Variants in MRTFB observed in about 807,000 individuals in gnomAD.
MRTFB encodes myocardin related transcription factor B, also known as myocardin-related transcription factor B.
In MRTFB, 29 loss-of-function variants were observed where a neutral mutation model predicts 104.2. The ratio of observed to expected loss-of-function variants is 0.28; its 90% CI spans 0.21 to 0.38. The LOEUF (loss-of-function observed/expected upper bound fraction) is 0.38, where lower values mean the gene tolerates loss of function less well. Among genes scored for constraint, MRTFB ranks in the 10% least tolerant of loss-of-function variants. The pLI is 1.00. For synonymous variants in MRTFB, 535 were observed against 519.5 expected (o/e 1.03, Z -0.41); for missense variants, 1,270 against 1,341.6 (o/e 0.95, Z 0.83).
At chr16:14,208,427 A>T (rs1250818500) in intron 3 of MRTFB, among the ~76,000 whole-genome samples, 1 of 152,198 alleles carries the variant, frequency 6.6e-6, no homozygotes, top group Non-Finnish European at 1.5e-5. Context: ...TAAACCAAAA[A>T]GGGGGTGGTT....
intron 3 of MRTFB, among the ~76,000 whole-genome samples, chr16:14,194,572 T>C (rs1358503421): frequency 1.3e-5 from 2 of 152,224 alleles, no homozygotes; most frequent in East Asian, 3.8e-4. Flanking sequence ...GAACTTTTTC[T>C]AGTGGTATTT....
At chr16:14,241,707 C>T (rs564332831) in intron 10 of MRTFB, among the ~76,000 whole-genome samples, 8 of 152,246 alleles carry the variant, frequency 5.3e-5, no homozygotes, top group African/African-American at 1.7e-4. Context: ...AAGATTAAAC[C>T]TATTAGTAAT....
At chr16:14,166,217 CTTTT>C (rs35113283) in intron 3 of MRTFB, among the ~76,000 whole-genome samples, 4 of 112,534 alleles carry the variant, frequency 3.6e-5, no homozygotes, top group Admixed American at 8.9e-5. Context: ...GTTTTCTTTT[CTTTT>C]TTTTTTTTTT....
At chr16:14,060,067 C>T in the MRTFB span, among the ~76,000 whole-genome samples, 7 of 131,764 alleles carry the variant, frequency 5.3e-5, no homozygotes, top group South Asian at 2.4e-4. Flanking sequence ...AGTGCAGTGG[C>T]GCAATCTCAG....
chr16:14,194,580 T>C (rs1360665033), intron 3 of MRTFB, among the ~76,000 whole-genome samples: 1 of 152,218 alleles, frequency 6.6e-6, no homozygotes, highest in Non-Finnish European at 1.5e-5. Context: ...TCTAGTGGTA[T>C]TTTAAGGTAC....
chr16:14,095,697 T>C (rs2035322216), intron 2 of MRTFB, among the ~76,000 whole-genome samples: 1 of 152,218 alleles, frequency 6.6e-6, no homozygotes, highest in South Asian at 2.1e-4. Context: ...CTGTTGAATG[T>C]CTCTGCTTTT....
chr16:14,089,690 T>C (rs1301969961), intron 2 of MRTFB, among the ~76,000 whole-genome samples: 1 of 152,218 alleles, frequency 6.6e-6, no homozygotes, highest in East Asian at 1.9e-4. Context: ...ATTTAACTTT[T>C]TGAGGAAATG....
chr16:13,999,215 C>T, the MRTFB span, among the ~76,000 whole-genome samples: 1 of 150,398 alleles, frequency 6.6e-6, no homozygotes, highest in Non-Finnish European at 1.5e-5. Context: ...AAAGAACAGT[C>T]ACTTCTAACC....
chr16:14,198,090 T>G (rs1310804167), intron 3 of MRTFB, among the ~76,000 whole-genome samples: 2 of 152,242 alleles, frequency 1.3e-5, no homozygotes, highest in Non-Finnish European at 2.9e-5. Context: ...ATACAATATG[T>G]GAGCTTTTAT....
At chr16:14,064,048 T>C in the MRTFB span, among the ~76,000 whole-genome samples, 1 of 152,198 alleles carries the variant, frequency 6.6e-6, no homozygotes. Flanking sequence ...TGAGAAATTG[T>C]CAAACTGTTT....
intron 3 of MRTFB, among the ~76,000 whole-genome samples, chr16:14,171,653 C>CT (rs1414254023): frequency 6.6e-6 from 1 of 152,186 alleles, no homozygotes; most frequent in Non-Finnish European, 1.5e-5. Flanking sequence ...ACTCCACTCT[C>CT]TGACAGTGAG....
At chr16:14,229,765 C>T (rs985836994) in intron 8 of MRTFB, among the ~76,000 whole-genome samples, 1 of 151,782 alleles carries the variant, frequency 6.6e-6, no homozygotes, top group Non-Finnish European at 1.5e-5. Context: ...TTTTTGAATG[C>T]ATAAATATCC....
chr16:14,226,182 A>C (rs1247660734), intron 8 of MRTFB, among the ~76,000 whole-genome samples: 1 of 152,248 alleles, frequency 6.6e-6, no homozygotes, highest in African/African-American at 2.4e-5. Flanking sequence ...AGTACAGTTC[A>C]TATCAAAATC....
At chr16:14,170,572 G>A (rs764575837) in intron 3 of MRTFB, 7 of 152,048 alleles carry the variant, frequency 4.6e-5, no homozygotes, top group Admixed American at 3.3e-4. Context: ...CCTGATTAAC[G>A]TTTAGATCAT....
the MRTFB span, among the ~76,000 whole-genome samples, chr16:14,004,506 CA>C: frequency 1.6e-4 from 24 of 152,296 alleles, no homozygotes; most frequent in African/African-American, 4.8e-4. Context: ...TGGGGACATT[CA>C]GGGGCACCAT....
chr16:14,069,512 G>C (rs186926718), upstream of MRTFB, among the ~76,000 whole-genome samples: 93 of 152,244 alleles, frequency 6.1e-4, 1 homozygote, highest in Non-Finnish European at 1.2e-4. Context: ...TAGAGACAGG[G>C]TCTCACTCTG....
chr16:14,205,466 T>C (rs992635473), intron 3 of MRTFB, among the ~76,000 whole-genome samples: 2 of 152,266 alleles, frequency 1.3e-5, no homozygotes, highest in African/African-American at 4.8e-5. Flanking sequence ...AATACAATGC[T>C]ACCTGTATGA....
At chr16:14,158,087 A>C (rs2038892390) in intron 3 of MRTFB, among the ~76,000 whole-genome samples, 1 of 152,212 alleles carries the variant, frequency 6.6e-6, no homozygotes, top group Admixed American at 6.5e-5. Context: ...GACTATAATC[A>C]TGTAAATTAA....
At chr16:14,223,619 A>G (rs1035308960) in intron 8 of MRTFB, among the ~76,000 whole-genome samples, 5 of 152,142 alleles carry the variant, frequency 3.3e-5, no homozygotes, top group Admixed American at 1.3e-4. Flanking sequence ...TCAAACAAGC[A>G]GAAGAAAGAA....
Sources: gnomAD v4.1 joint callset for allele counts (sites outside exome capture counted in the v4.1 genomes callset) on GRCh38, gnomAD v4.1.1 for gene constraint, MANE v1.5 for transcripts, NCBI Gene and HGNC (gene_info 2026-07-23, HGNC 2026-07-21) for gene names.